Variants in NSD3 observed in about 807,000 individuals in gnomAD.
NSD3 encodes histone-lysine N-methyltransferase NSD3.
NSD3 carries 24 observed loss-of-function variants against 160.8 expected under a neutral mutation model. The observed-to-expected ratio is 0.15, with a 90% CI of 0.11 to 0.21. The LOEUF is 0.21. Among genes scored for constraint, NSD3 ranks in the 10% least tolerant of loss-of-function variants. NSD3 has a pLI of 1.00. For missense variants in NSD3, 1,157 were observed against 1,735.9 expected, an observed-to-expected ratio of 0.67 and a Z score of 5.93; for synonymous variants, 520 against 600.0, an observed-to-expected ratio of 0.87 and a Z score of 1.95.
At chr8:38,276,993 G>A (rs1808616782) in intron 22 of NSD3, among the ~76,000 whole-genome samples, 1 of 152,124 alleles carries the variant, frequency 6.6e-6, no homozygotes, top group Admixed American at 6.6e-5. Context: ...CTAGGCTGGA[G>A]TGCAGTGGGG....
In NSD3 at chr8:38,348,121, C is replaced by T; in HGVS notation, c.51G>A (p.Gln17=). 6.2e-7 allele frequency: 1 copy of T among 1,612,002 alleles called. No individual in the cohort carries two copies. The highest frequency in any genetic ancestry group is 8.5e-7 in the Non-Finnish European group (1 of 1,178,954). The stretch of plus-strand genomic sequence containing the variant: ...CGGAGTCAATGAGTTGAGGTGGTTG[C>T]TGAATTGTGTTTCCCATGATCCCTT... ...FMQGIMGNTI[Q]QPPQLIDSAN... is the part of the protein sequence containing the mutation. Residue 17 remains glutamine, a synonymous_variant, in exon 2 of 24, where the codon CAG becomes CAA. Transcript: ENST00000317025.
chr8:38,341,928 G>C (rs1188162795), intron 2 of NSD3, among the ~76,000 whole-genome samples: 1 of 152,052 alleles, frequency 6.6e-6, no homozygotes, highest in Non-Finnish European at 1.5e-5. Flanking sequence ...CTGGGTGACA[G>C]AGTGAGACCC....
intron 13 of NSD3, among the ~76,000 whole-genome samples, 189 bp from the exon 14 acceptor site, chr8:38,304,946 C>T (rs73605051): frequency 0.016 from 2,372 of 152,170 alleles, 68 homozygotes; most frequent in African/African-American, 0.055. Flanking sequence ...CTAATAGTCA[C>T]GTAGAGATCA....
chr8:38,284,435 C>G (rs1808809765), intron 19 of NSD3, among the ~76,000 whole-genome samples: 1 of 152,322 alleles, frequency 6.6e-6, no homozygotes, highest in South Asian at 2.1e-4. Flanking sequence ...GTTGCCCAGG[C>G]TGGAGTGCAA....
chr8:38,274,948 T>C lies in NSD3; in HGVS notation c.*693A>G, dbSNP rs1808562775. ...CCTTCCACCAAGGAAACACACCATA[T>C]ACCCTTCTAGGTAAAGTTACCATAG... On this transcript the variant is annotated 3_prime_UTR_variant, in exon 24 of 24. Transcript: ENST00000317025. 5.0e-6 allele frequency: 1 copy of C among 201,260 alleles called. No homozygotes were observed. Among genetic ancestry groups the C allele is most frequent in the Non-Finnish European group, 1.0e-5 (1 of 97,844 alleles). 12.5% of individuals were successfully genotyped at this position (201,260 alleles called of 1,614,324 possible).
In NSD3 at chr8:38,316,580, GT is replaced by G. The variant is rs1388935250; in HGVS notation, c.1856-539del. ...CAATAAAATTTGGATGTTCATAATTGTTCATCTGAGACTTCCTTGGTGAAGT... is the reference window on the plus strand; with the variant it reads ...CAATAAAATTTGGATGTTCATAATTGTCATCTGAGACTTCCTTGGTGAAGT... On this transcript the variant is annotated intron_variant, in intron 9 of 23. Transcript: ENST00000317025. The surrounding 1 kb of genome is among the most constrained non-coding windows in gnomAD (Gnocchi z 4.5). 3 of 1,050,474 alleles carry G rather than the reference GT, an allele frequency of 2.9e-6. No homozygotes were observed. The highest frequency in any genetic ancestry group is 5.5e-5 in the Admixed American group (1 of 18,298). 65.1% of individuals were successfully genotyped at this position (1,050,474 alleles called of 1,614,324 possible).
At chr8:38,337,588 C>CA in intron 3 of NSD3, 121 bp from the exon 4 acceptor site, 1 of 873,812 alleles carries the variant, frequency 1.1e-6, no homozygotes, top group Non-Finnish European at 1.5e-6. Context: ...AGGAAAGTGT[C>CA]AAAAAACATC....
At chr8:38,370,212 AT>A (rs1348730694) in intron 1 of NSD3, among the ~76,000 whole-genome samples, 2 of 152,100 alleles carry the variant, frequency 1.3e-5, no homozygotes, top group Admixed American at 6.5e-5. Context: ...AGAAAACCAT[AT>A]TTTCTATAAG....
rs201510639 is a variant in NSD3, at chr8:38,337,436, G to T, written c.779C>A (p.Thr260Lys). The T allele has an allele frequency of 2.5e-5, 40 of 1,607,658 alleles. No homozygotes were observed. The Middle Eastern group carries it at 6.6e-4, about 27-fold the overall frequency. The change falls in exon 4 of 24, where the codon ACG (threonine) becomes AAG (lysine). Residue 260 changes from threonine (T) to lysine (K), a missense_variant. Physicochemically the swap from Thr to Lys is moderately conservative, Grantham distance 78. Coordinates refer to ENST00000317025, the MANE Select transcript of NSD3 (RefSeq NM_023034.2). ...VQPILSSVPT[T>K]EVSTGVKFQV... The stretch of plus-strand genomic sequence containing the variant: ...AAACTTAACACCAGTGGACACTTCC[G>T]TTGTTGGAACAGAAGATAGTATTGG...
Position 38,329,192 on chromosome 8 carries a change from A to G in NSD3, c.1581+186T>C, listed in dbSNP as rs185510934. On this transcript the variant is annotated intron_variant, in intron 6 of 23. Transcript: ENST00000317025. The surrounding 1 kb of genome is among the most constrained non-coding windows in gnomAD (Gnocchi z 4.8). ...GATGGGAAAATCACAAAAGAAGGGG[A>G]TAAAAAAGAAGAAAAACATAGCCTT... Among the ~76,000 whole-genome samples the G allele has an allele frequency of 5.7e-4, 87 of 152,336 alleles. No individual in the cohort carries two copies. The highest frequency in any genetic ancestry group is 1.7e-3 in the African/African-American group (70 of 41,586).
chr8:38,276,521 A>G, intron 22 of NSD3, 21 bp from the exon 23 acceptor site: 2 of 1,613,568 alleles, frequency 1.2e-6, no homozygotes, highest in Non-Finnish European at 8.5e-7. Flanking sequence ...AGAAAGGATC[A>G]TAGTTTCAAA....
chr8:38,378,692 G>A (rs942293928), intron 1 of NSD3, among the ~76,000 whole-genome samples: 15 of 151,886 alleles, frequency 9.9e-5, no homozygotes, highest in African/African-American at 2.7e-4. Context: ...GCATGGTGGC[G>A]TGTGCCTGTA....
chr8:38,342,612 G>A (rs1047332110), intron 2 of NSD3, among the ~76,000 whole-genome samples: 1 of 151,630 alleles, frequency 6.6e-6, no homozygotes, highest in African/African-American at 2.4e-5. Flanking sequence ...TCTGTTGCCA[G>A]GCTGGAGTAC....
intron 1 of NSD3, among the ~76,000 whole-genome samples, chr8:38,362,820 A>C (rs541681754): frequency 1.3e-5 from 2 of 152,372 alleles, no homozygotes; most frequent in Non-Finnish European, 2.9e-5. Context: ...AGCGTAAGAG[A>C]AACTGTCACA....
At chr8:38,333,821 T>G (rs929261673) in intron 4 of NSD3, among the ~76,000 whole-genome samples, 1 of 151,986 alleles carries the variant, frequency 6.6e-6, no homozygotes, top group African/African-American at 2.4e-5. Flanking sequence ...GAGCCGAGAT[T>G]GCGCCACTGC....
At position 38,329,346 on chromosome 8, in the gene NSD3, C is replaced by T; in HGVS notation, c.1581+32G>A. Reference sequence around the variant, plus strand: ...AGGTTGACCACTTTTAAAATACCATCCCCCAAAAAACTCCACGAAAAAAGG... The same window carrying T: ...AGGTTGACCACTTTTAAAATACCATTCCCCAAAAAACTCCACGAAAAAAGG... On this transcript the variant is annotated intron_variant, in intron 6 of 23. Transcript: ENST00000317025. This position sits in a 1 kb window ranked among gnomAD's most constrained non-coding sequence, Gnocchi z 4.8. The T allele has an allele frequency of 1.9e-6, 3 of 1,588,930 alleles. No individual in the cohort carries two copies. Among genetic ancestry groups the T allele is most frequent in the Non-Finnish European group, 2.6e-6 (3 of 1,165,998 alleles).
At chr8:38,378,774 G>C (rs1811464951) in intron 1 of NSD3, among the ~76,000 whole-genome samples, 1 of 148,946 alleles carries the variant, frequency 6.7e-6, no homozygotes, top group Admixed American at 6.8e-5. Context: ...ATTGAACCGA[G>C]ATCGCACCAT....
chr8:38,373,478 G>C (rs183384009), intron 1 of NSD3, among the ~76,000 whole-genome samples: 26 of 152,090 alleles, frequency 1.7e-4, no homozygotes, highest in African/African-American at 5.5e-4. Context: ...AACGTAAAAG[G>C]CTTTAAAATG....
In NSD3 at chr8:38,317,535, C is replaced by T. The variant is rs1361178338; in HGVS notation, c.1855+1360G>A. On this transcript the variant is annotated intron_variant, in intron 9 of 23. Coordinates refer to ENST00000317025, the MANE Select transcript of NSD3 (RefSeq NM_023034.2). This position sits in a 1 kb window ranked among gnomAD's most constrained non-coding sequence, Gnocchi z 5.3. ...CAGACTGCCAAAGACAGCTGTCATGCTGTTCTCCATGATAACGGCACTAAT... is the reference window on the plus strand; with the variant it reads ...CAGACTGCCAAAGACAGCTGTCATGTTGTTCTCCATGATAACGGCACTAAT... 2.8e-6 allele frequency: 3 copies of T among 1,063,592 alleles called. No individual in the cohort carries two copies. The highest frequency in any genetic ancestry group is 4.2e-4 in the Middle Eastern group (1 of 2,370). The allele number at this position is 1,063,592 out of a possible 1,614,324, so 65.9% of individuals were successfully genotyped here. A position where few individuals can be genotyped will look rare whatever the true frequency, so the allele number is the denominator to read the frequency against.
Sources: allele counts gnomAD v4.1 joint callset (sites outside exome capture counted in the v4.1 genomes callset), GRCh38; gene constraint gnomAD v4.1.1; non-coding constraint Gnocchi (gnomAD v3.1); transcripts MANE v1.5; gene names NCBI Gene and HGNC (gene_info 2026-07-23, HGNC 2026-07-21).